UNC5D: variants seen among roughly 807,000 people sequenced by gnomAD.
The protein encoded by UNC5D is netrin receptor UNC5D.
Under a neutral mutation model 105.4 loss-of-function variants are expected in UNC5D, and 39 were observed. The ratio of observed to expected loss-of-function variants is 0.37; its 90% confidence interval spans 0.29 to 0.48. The LOEUF (loss-of-function observed/expected upper bound fraction) is 0.48. Among genes scored for constraint, UNC5D ranks in the 20% least tolerant of loss-of-function variants. UNC5D has a pLI of 0.98. For missense variants in UNC5D, 991 were observed against 1,202.4 expected (o/e 0.82, Z 2.60); for synonymous variants, 452 against 450.4 (o/e 1.00, Z -0.04).
intron 4 of UNC5D, among the ~76,000 whole-genome samples, chr8:35,655,284 G>A (rs532478633): frequency 7.2e-5 from 11 of 152,198 alleles, no homozygotes; most frequent in East Asian, 3.9e-4. Flanking sequence ...AAATATTGCC[G>A]TCTTCTCTTA....
chr8:35,682,936 C>T (rs775272878), intron 4 of UNC5D, among the ~76,000 whole-genome samples: 13 of 152,106 alleles, frequency 8.5e-5, no homozygotes, highest in Admixed American at 2.0e-4. Flanking sequence ...AATGTCTCTT[C>T]GATCACTGGA....
chr8:35,758,797 A>G (rs1038200882), intron 13 of UNC5D, among the ~76,000 whole-genome samples: 1 of 152,374 alleles, frequency 6.6e-6, no homozygotes, highest in Admixed American at 6.5e-5. Context: ...TTTTACAAAC[A>G]TTACTACAAA....
At chr8:35,741,871 A>G (rs1829780625) in intron 11 of UNC5D, among the ~76,000 whole-genome samples, 1 of 152,182 alleles carries the variant, frequency 6.6e-6, no homozygotes, top group African/African-American at 2.4e-5. Flanking sequence ...TCCCAGAAAT[A>G]CCAAGTCAAA....
At chr8:35,541,433 C>A (rs188293071) in intron 1 of UNC5D, among the ~76,000 whole-genome samples, 2 of 152,322 alleles carry the variant, frequency 1.3e-5, no homozygotes, top group African/African-American at 4.8e-5. Flanking sequence ...ATATTTAGCT[C>A]TACCTAACTT....
chr8:35,727,801 C>T (rs1828958240), intron 10 of UNC5D: 1 of 151,904 alleles, frequency 6.6e-6, no homozygotes, highest in Non-Finnish European at 1.5e-5. Flanking sequence ...TTAATTCTTC[C>T]AGTTGATAAT....
intron 2 of UNC5D, among the ~76,000 whole-genome samples, chr8:35,564,344 T>C (rs557186347): frequency 6.6e-6 from 1 of 152,286 alleles, no homozygotes; most frequent in East Asian, 1.9e-4. Context: ...GGGTGTATTC[T>C]GCTTTAATAG....
chr8:35,417,510 C>T (rs1281208260), intron 1 of UNC5D, among the ~76,000 whole-genome samples: 2 of 151,668 alleles, frequency 1.3e-5, no homozygotes, highest in East Asian at 3.9e-4. Context: ...TTTTCTCCAA[C>T]AGAGCCATTT....
chr8:35,712,628 G>A (rs759217361), intron 8 of UNC5D, among the ~76,000 whole-genome samples: 1 of 152,136 alleles, frequency 6.6e-6, no homozygotes, highest in African/African-American at 2.4e-5. Flanking sequence ...AAATGCAGAG[G>A]GTTCATTCAG....
chr8:35,486,643 G>T (rs1340993537), intron 1 of UNC5D, among the ~76,000 whole-genome samples: 1 of 152,100 alleles, frequency 6.6e-6, no homozygotes, highest in Admixed American at 6.6e-5. Context: ...TGTCACGAGG[G>T]AACCAGGTAA....
intron 4 of UNC5D, among the ~76,000 whole-genome samples, chr8:35,604,111 G>T (rs981193405): frequency 6.6e-6 from 1 of 152,154 alleles, no homozygotes; most frequent in Admixed American, 6.5e-5. Flanking sequence ...TATTTTGCTT[G>T]TTAGTTGATG....
intron 15 of UNC5D, among the ~76,000 whole-genome samples, chr8:35,769,507 A>C (rs1253984083): frequency 6.6e-6 from 1 of 152,164 alleles, no homozygotes; most frequent in South Asian, 2.1e-4. Context: ...GGATGTAACC[A>C]TTTGTGTGAT....
chr8:35,442,127 G>C (rs1316254318), intron 1 of UNC5D, among the ~76,000 whole-genome samples: 2 of 151,546 alleles, frequency 1.3e-5, no homozygotes, highest in Non-Finnish European at 2.9e-5. Context: ...AAACACATTT[G>C]GCTATTCAAG....
intron 15 of UNC5D, 112 bp downstream of exon 15, chr8:35,767,178 CAA>C: frequency 1.6e-6 from 2 of 1,249,882 alleles, no homozygotes; most frequent in East Asian, 2.4e-5. Flanking sequence ...TCAAAATGCA[CAA>C]ACTCTTCATC....
At chr8:35,356,740 C>T (rs1390582810) in intron 1 of UNC5D, among the ~76,000 whole-genome samples, 1 of 151,748 alleles carries the variant, frequency 6.6e-6, no homozygotes, top group Non-Finnish European at 1.5e-5. Context: ...ACTATTTTTG[C>T]ACTTTCAGGC....
chr8:35,491,767 T>A (rs1015735278), intron 1 of UNC5D, among the ~76,000 whole-genome samples: 35 of 152,200 alleles, frequency 2.3e-4, no homozygotes, highest in Admixed American at 1.1e-3. Flanking sequence ...GTATGCCATG[T>A]CCTGCATCTT....
intron 3 of UNC5D, among the ~76,000 whole-genome samples, chr8:35,588,558 G>A (rs1284563877): frequency 6.6e-6 from 1 of 152,116 alleles, no homozygotes; most frequent in Non-Finnish European, 1.5e-5. Context: ...TCACTCAAAT[G>A]TATACCTCTT....
At chr8:35,293,540 A>G (rs937961951) in intron 1 of UNC5D, among the ~76,000 whole-genome samples, 1 of 152,146 alleles carries the variant, frequency 6.6e-6, no homozygotes. Context: ...TGTGGTATCT[A>G]CTAGCTCTTG....
chr8:35,780,724 A>C (rs1802466382), intron 16 of UNC5D, among the ~76,000 whole-genome samples: 2 of 152,170 alleles, frequency 1.3e-5, no homozygotes, highest in South Asian at 4.1e-4. Context: ...TGATCACACT[A>C]AACTAAGCTT....
intron 1 of UNC5D, among the ~76,000 whole-genome samples, chr8:35,515,729 G>A (rs117864940): frequency 0.01 from 1,531 of 152,222 alleles, 9 homozygotes; most frequent in Non-Finnish European, 0.015. Flanking sequence ...ATGTAAGGGC[G>A]GCAACCTTTT....
Sources: gnomAD v4.1 joint callset for allele counts (sites outside exome capture counted in the v4.1 genomes callset) on GRCh38, gnomAD v4.1.1 for gene constraint, MANE v1.5 for transcripts, NCBI Gene and HGNC (gene_info 2026-07-23, HGNC 2026-07-21) for gene names.